Variants in PHF24 observed in about 807,000 individuals in gnomAD.
PHF24 encodes the protein PHD finger protein 24.
In PHF24, 25 loss-of-function variants were observed where a neutral mutation model predicts 42.6. That is an observed-to-expected ratio of 0.59 (90% confidence interval 0.43 to 0.82). The LOEUF (loss-of-function observed/expected upper bound fraction) is 0.82. Among genes scored for constraint, PHF24 ranks in the 40% least tolerant of loss-of-function variants. PHF24 has a pLI of 0.00. For missense variants in PHF24, 470 were observed against 538.1 expected, an observed-to-expected ratio of 0.87 and a Z score of 1.25; for synonymous variants, 185 against 204.8, an observed-to-expected ratio of 0.90 and a Z score of 0.83.
the PHF24 span, chr9:34,837,024 G>A: frequency 2.1e-6 from 1 of 469,722 alleles, no homozygotes; most frequent in Non-Finnish European, 4.4e-6. Flanking sequence ...AATCACCACA[G>A]GCCAGGCTGG....
At chr9:34,727,843 C>T in the PHF24 span, among the ~76,000 whole-genome samples, 5 of 152,206 alleles carry the variant, frequency 3.3e-5, no homozygotes, top group Admixed American at 6.5e-5. Flanking sequence ...CAGCTCATCT[C>T]TCCTGAGACA....
upstream of PHF24, chr9:34,958,240 G>GCCGCCGCCGCCC (rs1424184782): frequency 1.3e-5 from 2 of 151,108 alleles, no homozygotes; most frequent in African/African-American, 5.2e-5. This position sits in a 1 kb window ranked among gnomAD's most constrained non-coding sequence, Gnocchi z 4.5. Flanking sequence ...CGCCGCCGCC[G>GCCGCCGCCGCCC]CCGCCGCCGC....
At chr9:34,976,216 G>A (rs1178924155) in exon 4 of PHF24, 3 of 1,613,998 alleles carry the variant, frequency 1.9e-6, no homozygotes, top group African/African-American at 2.7e-5. Context: ...TTTCAGCGGT[G>A]TAAAGTCATC....
At chr9:34,871,777 C>T in the PHF24 span, among the ~76,000 whole-genome samples, 21,686 of 152,142 alleles carry the variant, frequency 0.14, 2,197 homozygotes, top group East Asian at 0.48. Flanking sequence ...ACTACCACAC[C>T]GTCTTGATTA....
chr9:34,817,737 T>C, the PHF24 span, among the ~76,000 whole-genome samples: 1 of 152,210 alleles, frequency 6.6e-6, no homozygotes, highest in Non-Finnish European at 1.5e-5. Context: ...TCAATTTTTT[T>C]CTTTTATGGA....
chr9:34,835,824 AT>A, the PHF24 span: 1 of 1,455,400 alleles, frequency 6.9e-7, no homozygotes, highest in Non-Finnish European at 9.4e-7. Context: ...GCTCTCTGAT[AT>A]TTCTGGAATG....
At chr9:34,665,923 C>A in the PHF24 span, 1 of 551,212 alleles carries the variant, frequency 1.8e-6, no homozygotes, top group South Asian at 2.2e-5. Context: ...GTTTGGCGGT[C>A]ATGGGGCTGG....
the PHF24 span, among the ~76,000 whole-genome samples, chr9:34,786,027 T>G: frequency 7.2e-5 from 11 of 152,220 alleles, no homozygotes; most frequent in Admixed American, 6.5e-4. Flanking sequence ...GGGATTCCCA[T>G]GCCTATTTTC....
At chr9:34,976,850 T>G (rs946768265) in intron 5 of PHF24, 110 bp downstream of exon 5, 1 of 1,020,190 alleles carries the variant, frequency 9.8e-7, no homozygotes, top group Non-Finnish European at 1.4e-6. Context: ...GGGACAAGTA[T>G]CAGGAATGGG....
intron 1 of PHF24, among the ~76,000 whole-genome samples, chr9:34,968,358 C>T (rs1017645578): frequency 2.0e-5 from 3 of 152,198 alleles, no homozygotes; most frequent in South Asian, 4.1e-4. Context: ...TAGTTGTCCA[C>T]TGAGGCATGA....
chr9:34,805,258 G>A, the PHF24 span, among the ~76,000 whole-genome samples: 26 of 152,270 alleles, frequency 1.7e-4, no homozygotes, highest in Non-Finnish European at 3.4e-4. Flanking sequence ...TGGCAACTCC[G>A]TTTAACCCTT....
At chr9:34,767,325 T>G in the PHF24 span, among the ~76,000 whole-genome samples, 1 of 152,236 alleles carries the variant, frequency 6.6e-6, no homozygotes, top group African/African-American at 2.4e-5. Flanking sequence ...CACAGAGGCA[T>G]GCAGGCCTCC....
At chr9:34,874,322 A>G in the PHF24 span, among the ~76,000 whole-genome samples, 1 of 152,130 alleles carries the variant, frequency 6.6e-6, no homozygotes, top group South Asian at 2.1e-4. Context: ...GTATGCAGAA[A>G]AGGCCTTTGA....
chr9:34,923,390 G>C, the PHF24 span, among the ~76,000 whole-genome samples: 2 of 152,126 alleles, frequency 1.3e-5, no homozygotes, highest in Non-Finnish European at 2.9e-5. Context: ...GGAATAGTCT[G>C]AGTAGGATTG....
At chr9:34,860,707 T>TGTGTGC in the PHF24 span, among the ~76,000 whole-genome samples, 1 of 151,946 alleles carries the variant, frequency 6.6e-6, no homozygotes, top group Non-Finnish European at 1.5e-5. Context: ...TGTGTGTGTG[T>TGTGTGC]GCATGCACTC....
chr9:34,824,223 G>A, the PHF24 span, among the ~76,000 whole-genome samples: 8 of 152,198 alleles, frequency 5.3e-5, no homozygotes, highest in Admixed American at 2.0e-4. Flanking sequence ...CTGTATATCC[G>A]ACAAGGGTCA....
chr9:34,704,385 C>G, the PHF24 span, among the ~76,000 whole-genome samples: 2 of 152,090 alleles, frequency 1.3e-5, no homozygotes. Flanking sequence ...CAAAGAAGCC[C>G]TTAAAATATT....
the PHF24 span, among the ~76,000 whole-genome samples, chr9:34,814,635 T>A: frequency 6.6e-6 from 1 of 152,172 alleles, no homozygotes; most frequent in Admixed American, 6.5e-5. Context: ...GTACTGTGAG[T>A]AATAAAGTCC....
At chr9:34,875,980 TCTCTCTCA>T in the PHF24 span, among the ~76,000 whole-genome samples, 2 of 126,170 alleles carry the variant, frequency 1.6e-5, no homozygotes, top group Admixed American at 8.0e-5. Flanking sequence ...TCTCTCTCTC[TCTCTCTCA>T]CTCCTTCCAA....
Sources: gnomAD v4.1 joint callset for allele counts (sites outside exome capture counted in the v4.1 genomes callset) on GRCh38, gnomAD v4.1.1 for gene constraint, Gnocchi (gnomAD v3.1) non-coding constraint, MANE v1.5 for transcripts, NCBI Gene and HGNC (gene_info 2026-07-23, HGNC 2026-07-21) for gene names.